TTC7A: variants seen among roughly 807,000 people sequenced by gnomAD.
TTC7A encodes the protein tetratricopeptide repeat protein 7A.
Under a neutral mutation model 103.7 loss-of-function variants are expected in TTC7A, and 110 were observed. The observed-to-expected ratio is 1.06, with a 90% CI of 0.91 to 1.24. The LOEUF (loss-of-function observed/expected upper bound fraction) is 1.24. Ranked by LOEUF, TTC7A falls within the 50% of genes most tolerant of loss-of-function variation. The pLI is 0.00. For synonymous variants in TTC7A, 521 were observed against 467.9 expected (o/e 1.11, Z -1.47); for missense variants, 1,340 against 1,116.3 (o/e 1.20, Z -2.86).
At chr2:47,038,374 G>C (rs931506685) in intron 15 of TTC7A, among the ~76,000 whole-genome samples, 8 of 152,280 alleles carry the variant, frequency 5.3e-5, no homozygotes, top group African/African-American at 1.7e-4. Flanking sequence ...TCACCACTGA[G>C]TCCGACTTGG....
chr2:47,019,687 G>A (rs901543299), intron 11 of TTC7A, among the ~76,000 whole-genome samples: 3 of 152,162 alleles, frequency 2.0e-5, no homozygotes, highest in South Asian at 4.1e-4. Context: ...CTGCTGAGCC[G>A]TATTCCTGGC....
exon 1 of TTC7A, chr2:46,916,184 C>T: frequency 1.0e-6 from 1 of 983,828 alleles, no homozygotes; most frequent in Non-Finnish European, 1.2e-6. Context: ...TGGTTCAGGT[C>T]TCTTGGTTCG....
At chr2:47,049,884 C>A (rs1682696208) in intron 16 of TTC7A, 65 bp from the exon 17 acceptor site, 2 of 1,237,680 alleles carry the variant, frequency 1.6e-6, no homozygotes, top group Non-Finnish European at 1.2e-6. Flanking sequence ...TGGCCCTCTA[C>A]CTCACTGGGC....
At chr2:46,993,128 C>T (rs559934045) in intron 5 of TTC7A, among the ~76,000 whole-genome samples, 3 of 152,296 alleles carry the variant, frequency 2.0e-5, no homozygotes, top group African/African-American at 7.2e-5. Flanking sequence ...AAGTCTGACA[C>T]CAGCCCAAGG....
chr2:46,921,069 G>A (rs1669078926), intron 2 of TTC7A, among the ~76,000 whole-genome samples: 1 of 151,936 alleles, frequency 6.6e-6, no homozygotes, highest in South Asian at 2.1e-4. Context: ...TATTCTTAGA[G>A]TGAAAGACTG....
chr2:46,944,806 G>A (rs1369464575), intron 1 of TTC7A, among the ~76,000 whole-genome samples: 1 of 152,184 alleles, frequency 6.6e-6, no homozygotes, highest in Non-Finnish European at 1.5e-5. Context: ...CTCCCAAAGT[G>A]TTGAGATTTC....
chr2:46,941,776 C>G lies in TTC7A; in HGVS notation c.184+51C>G, dbSNP rs1443218123. 4.5e-6 allele frequency: 7 copies of G among 1,544,960 alleles called. No homozygotes were observed. The Admixed American group carries it at 5.9e-5, about 13-fold the overall frequency. On this transcript the variant is annotated intron_variant, in intron 1 of 19. Transcript: ENST00000319190. This position sits in a 1 kb window ranked among gnomAD's most constrained non-coding sequence, Gnocchi z 4.2. ...CCGGCAGCGAGCGCGCGAAACGCACCGCCTCCTCCAGGAAGCGCGCCCAGA... is the reference window on the plus strand; with the variant it reads ...CCGGCAGCGAGCGCGCGAAACGCACGGCCTCCTCCAGGAAGCGCGCCCAGA...
chr2:46,989,715 G>A (rs1035991177), intron 5 of TTC7A, among the ~76,000 whole-genome samples: 4 of 151,998 alleles, frequency 2.6e-5, no homozygotes, highest in Non-Finnish European at 5.9e-5. Context: ...GAATTCCTGG[G>A]AGCTTACATG....
At chr2:47,061,675 G>A (rs1683793069) in intron 19 of TTC7A, among the ~76,000 whole-genome samples, 1 of 152,184 alleles carries the variant, frequency 6.6e-6, no homozygotes, top group South Asian at 2.1e-4. Flanking sequence ...CACCTTCTCT[G>A]AACCTTAGTT....
chr2:46,966,267 T>C (rs927825562), intron 3 of TTC7A, among the ~76,000 whole-genome samples: 6 of 152,174 alleles, frequency 3.9e-5, no homozygotes, highest in Non-Finnish European at 8.8e-5. Context: ...TTCTACTCTT[T>C]ATAATATTTC....
At chr2:46,966,159 G>A (rs565852316) in intron 3 of TTC7A, among the ~76,000 whole-genome samples, 2 of 152,284 alleles carry the variant, frequency 1.3e-5, no homozygotes, top group South Asian at 2.1e-4. Context: ...ATGTTAGTCA[G>A]GCTGGTCTTG....
chr2:47,065,562 G>A, intron 19 of TTC7A, among the ~76,000 whole-genome samples: 1 of 152,182 alleles, frequency 6.6e-6, no homozygotes, highest in South Asian at 2.1e-4. Flanking sequence ...GAGAGGGGAG[G>A]AGGAACACCC....
At chr2:47,041,440 C>T (rs374167895) in intron 15 of TTC7A, among the ~76,000 whole-genome samples, 1 of 152,248 alleles carries the variant, frequency 6.6e-6, no homozygotes, top group Admixed American at 6.5e-5. Flanking sequence ...CACACTGATT[C>T]TAGAATGTCT....
chr2:46,994,416 G>A lies in TTC7A; in HGVS notation c.903G>A (p.Trp301Ter), dbSNP rs989682938. The A allele has an allele frequency of 3.1e-6, 5 of 1,614,070 alleles. No homozygotes were observed. The highest frequency in any genetic ancestry group is 4.2e-6 in the Non-Finnish European group (5 of 1,179,982). ...ACTCCCTGAGTGAGGAGTGCTACTGGAGCCCCCTGTCCCACCCTCTGCCTG... is the reference window on the plus strand; with the variant it reads ...ACTCCCTGAGTGAGGAGTGCTACTGAAGCCCCCTGTCCCACCCTCTGCCTG... ...LLHSLSEECY[W>*]SPLSHPLPEF... The change falls in exon 7 of 20, where the codon TGG (tryptophan) becomes TGA (stop). Residue 301 changes from tryptophan to a stop codon, truncating the protein, a stop_gained. Coordinates refer to ENST00000319190, the MANE Select transcript of TTC7A (RefSeq NM_020458.4). LOFTEE classifies it high-confidence loss of function.
chr2:47,047,181 C>G, intron 16 of TTC7A: 2 of 771,932 alleles, frequency 2.6e-6, no homozygotes, highest in South Asian at 3.4e-5. Flanking sequence ...TCCTGATCCT[C>G]TTGTCCTTCT....
At chr2:46,940,459 C>A (rs1670233437), upstream of TTC7A, among the ~76,000 whole-genome samples, 1 of 152,186 alleles carries the variant, frequency 6.6e-6, no homozygotes, top group Non-Finnish European at 1.5e-5. The surrounding 1 kb of genome is among the most constrained non-coding windows in gnomAD (Gnocchi z 4.7). Flanking sequence ...CCCCGCTAGG[C>A]CCCGCCCCGT....
intron 11 of TTC7A, among the ~76,000 whole-genome samples, chr2:47,012,432 T>TC (rs1254882681): frequency 6.6e-6 from 1 of 152,146 alleles, no homozygotes; most frequent in Non-Finnish European, 1.5e-5. Context: ...AGTGGGCACT[T>TC]CCCCTGGAGA....
intron 5 of TTC7A, 75 bp downstream of exon 5, chr2:46,978,982 C>G (rs1443561313): frequency 1.4e-5 from 14 of 1,023,928 alleles, no homozygotes; most frequent in Non-Finnish European, 2.1e-5. Flanking sequence ...CTTAAGGCTG[C>G]TCTCCCTCTT....
intron 14 of TTC7A, among the ~76,000 whole-genome samples, chr2:47,026,952 C>T (rs1679985564): frequency 6.6e-6 from 1 of 152,204 alleles, no homozygotes; most frequent in South Asian, 2.1e-4. Flanking sequence ...CTGTCAGCCA[C>T]ACATCAGATT....
Sources: gnomAD v4.1 joint callset for allele counts (sites outside exome capture counted in the v4.1 genomes callset) on GRCh38, gnomAD v4.1.1 for gene constraint, Gnocchi (gnomAD v3.1) non-coding constraint, MANE v1.5 for transcripts, NCBI Gene and HGNC (gene_info 2026-07-23, HGNC 2026-07-21) for gene names.